Variants in ALOX5 observed in about 807,000 individuals in gnomAD.
ALOX5 encodes the protein arachidonate 5-lipoxygenase, also known as polyunsaturated fatty acid 5-lipoxygenase.
A neutral mutation model predicts 87.9 loss-of-function variants in ALOX5; 64 were observed. The observed-to-expected ratio is 0.73, with a 90% CI of 0.60 to 0.90. ALOX5 has a LOEUF of 0.90. Among genes scored for constraint, ALOX5 ranks in the 40% least tolerant of loss-of-function variants. The probability of loss-of-function intolerance (pLI) is 0.00; values close to 1 mark genes in which losing one functional copy is unlikely to be tolerated. For missense variants in ALOX5, 822 were observed against 907.5 expected (o/e 0.91, Z 1.21); for synonymous variants, 388 against 355.1 (o/e 1.09, Z -1.04).
chr10:45,431,452 G>A lies in ALOX5; in HGVS notation c.981+2688G>A, dbSNP rs533454084. Among the ~76,000 whole-genome samples, 568 of 151,670 alleles carry A rather than the reference G, an allele frequency of 3.7e-3. 3 individuals are homozygous for A. The highest frequency in any genetic ancestry group is 0.013 in the African/African-American group (528 of 41,334). On this transcript the variant is annotated intron_variant, in intron 7 of 13. Transcript: ENST00000374391. ...GCTACTAGATTAATAAATTCATTTG[G>A]CAAAGTGTTTAGATAAATATATTTC...
At chr10:45,392,481 T>G (rs1279262366) in intron 2 of ALOX5, among the ~76,000 whole-genome samples, 6 of 151,532 alleles carry the variant, frequency 4.0e-5, no homozygotes, top group Non-Finnish European at 8.8e-5. Context: ...GTGCAAGATG[T>G]GCTTTGTTAA....
At chr10:45,424,891 T>G in intron 5 of ALOX5, 69 bp from the exon 6 acceptor site, 1 of 1,574,086 alleles carries the variant, frequency 6.4e-7, no homozygotes, top group Non-Finnish European at 8.7e-7. Context: ...TTAGGTGAGG[T>G]CAGGAGGGCC....
intron 3 of ALOX5, among the ~76,000 whole-genome samples, chr10:45,405,994 G>A (rs1365918293): frequency 6.6e-6 from 1 of 152,110 alleles, no homozygotes; most frequent in Non-Finnish European, 1.5e-5. Context: ...CTTTCCTCCT[G>A]ACTTGGATGA....
chr10:45,406,608 C>A (rs539040677), intron 3 of ALOX5, among the ~76,000 whole-genome samples: 11 of 152,302 alleles, frequency 7.2e-5, no homozygotes, highest in African/African-American at 2.4e-4. Flanking sequence ...AGCTACTCTA[C>A]ATTTAGCATT....
intron 3 of ALOX5, among the ~76,000 whole-genome samples, chr10:45,403,465 G>A (rs3780900): frequency 0.021 from 3,146 of 152,280 alleles, 42 homozygotes; most frequent in East Asian, 0.056. Context: ...CATTACCGGG[G>A]ATGGAAGGAG....
At chr10:45,390,855 A>T (rs1840194549) in intron 2 of ALOX5, among the ~76,000 whole-genome samples, 1 of 152,246 alleles carries the variant, frequency 6.6e-6, no homozygotes, top group African/African-American at 2.4e-5. Context: ...GCAGAACTGA[A>T]GGAGGTAGAG....
chr10:45,440,775 T>C, intron 8 of ALOX5, 142 bp downstream of exon 8: 1 of 939,422 alleles, frequency 1.1e-6, no homozygotes, highest in Non-Finnish European at 1.6e-6. Context: ...TCAGAGTCAG[T>C]AATGCCCCTA....
chr10:45,422,367 A>C (rs1841533237), intron 4 of ALOX5, among the ~76,000 whole-genome samples: 1 of 152,156 alleles, frequency 6.6e-6, no homozygotes, highest in South Asian at 2.1e-4. Flanking sequence ...GTGTGTCTAC[A>C]GCTCAGACCC....
In ALOX5 at chr10:45,374,354, C is replaced by T. The variant is rs1464204368; in HGVS notation, c.75C>T (p.Ser25=). The part of the protein sequence containing the change: ...FAGTDDYIYL[S]LVGSAGCSEK... ...GCACTGACGACTACATCTACCTCAGCCTCGTGGGCTCGGCGGGCTGCAGCG... is the reference window on the plus strand; with the variant it reads ...GCACTGACGACTACATCTACCTCAGTCTCGTGGGCTCGGCGGGCTGCAGCG... Residue 25 remains serine (S), a synonymous_variant, in exon 1 of 14, where the codon AGC becomes AGT. Coordinates refer to ENST00000374391, the MANE Select transcript of ALOX5 (RefSeq NM_000698.5). 4 of 1,538,760 alleles carry T rather than the reference C, an allele frequency of 2.6e-6. No individual in the cohort carries two copies. Among genetic ancestry groups the T allele is most frequent in the Non-Finnish European group, 3.5e-6 (4 of 1,145,194 alleles).
rs374632598 is a variant in ALOX5, at chr10:45,374,889, C to T, written c.150+460C>T. On this transcript the variant is annotated intron_variant, in intron 1 of 13. Coordinates refer to ENST00000374391, the MANE Select transcript of ALOX5 (RefSeq NM_000698.5). ...TGCTCACAGAACTCTGAGGGCACCT[C>T]GGAGCAGCCAGCTGTGAGCCGTGGG... is the stretch of plus-strand genomic sequence containing the variant. Among the ~76,000 whole-genome samples, 13 of 152,276 alleles carry T rather than the reference C, an allele frequency of 8.5e-5. 2 individuals are homozygous for T. The highest frequency in any genetic ancestry group is 2.6e-4 in the Admixed American group (4 of 15,306).
intron 7 of ALOX5, among the ~76,000 whole-genome samples, chr10:45,429,410 A>G (rs967888909): frequency 1.3e-5 from 2 of 152,178 alleles, no homozygotes; most frequent in Non-Finnish European, 2.9e-5. Context: ...TTCAGCAAAT[A>G]ATGTCCATGA....
At chr10:45,395,623 A>T (rs992140787) in intron 2 of ALOX5, among the ~76,000 whole-genome samples, 25 of 152,104 alleles carry the variant, frequency 1.6e-4, no homozygotes, top group African/African-American at 5.3e-4. Context: ...AAAAAAAGAA[A>T]ATTCACTAAT....
rs750572500 is a variant in ALOX5 at position 45,425,070 on chromosome 10, G to C, written c.772G>C (p.Val258Leu). 6.2e-7 allele frequency: 1 copy of C among 1,614,094 alleles called. No homozygotes were observed. The highest frequency in any genetic ancestry group is 1.7e-5 in the Admixed American group (1 of 60,034). Residue 258 changes from valine to leucine, a missense_variant, in exon 6 of 14, where the codon GTG becomes CTG. By Grantham distance (32) the Val-to-Leu change is conservative. Transcript: ENST00000374391. The surrounding 1 kb of genome is among the most constrained non-coding windows in gnomAD (Gnocchi z 4.4). The stretch of plus-strand genomic sequence containing the variant: ...CACAGAGCTGCCCGAGAAGCTCCCG[G>C]TGACCACGGAGATGGTAGAGTGCAG... ...RCTELPEKLP[V>L]TTEMVECSLE...
At chr10:45,397,998 C>T (rs957661273) in intron 3 of ALOX5, among the ~76,000 whole-genome samples, 2 of 152,126 alleles carry the variant, frequency 1.3e-5, no homozygotes, top group Non-Finnish European at 2.9e-5. Context: ...GTCAATTCTG[C>T]AAATTCATAT....
intron 2 of ALOX5, among the ~76,000 whole-genome samples, chr10:45,394,618 A>G (rs1395618105): frequency 1.3e-5 from 2 of 152,180 alleles, no homozygotes; most frequent in Non-Finnish European, 2.9e-5. Context: ...ATCTAATTAA[A>G]CTAAAGAGCT....
chr10:45,385,684 A>G (rs1044868485), intron 2 of ALOX5, among the ~76,000 whole-genome samples: 3 of 152,166 alleles, frequency 2.0e-5, no homozygotes, highest in Admixed American at 2.0e-4. Flanking sequence ...ATAGCCAATG[A>G]TAACAGTTAT....
At chr10:45,416,812 ATGG>A (rs1007862470) in intron 4 of ALOX5, among the ~76,000 whole-genome samples, 1 of 151,596 alleles carries the variant, frequency 6.6e-6, no homozygotes, top group South Asian at 2.1e-4. Context: ...GGATTCATGG[ATGG>A]TGGATGGATG....
intron 2 of ALOX5, among the ~76,000 whole-genome samples, chr10:45,393,299 A>C (rs1840364330): frequency 6.6e-6 from 1 of 152,252 alleles, no homozygotes; most frequent in South Asian, 2.1e-4. Context: ...CTGGTTCAAC[A>C]TACACAAATC....
intron 7 of ALOX5, among the ~76,000 whole-genome samples, chr10:45,439,102 T>G (rs765554929): frequency 1.3e-5 from 2 of 152,268 alleles, no homozygotes; most frequent in Non-Finnish European, 2.9e-5. Context: ...TGGTTTCATG[T>G]TGAAGTGATA....
Sources: gnomAD v4.1 joint callset for allele counts (sites outside exome capture counted in the v4.1 genomes callset) on GRCh38, gnomAD v4.1.1 for gene constraint, Gnocchi (gnomAD v3.1) non-coding constraint, MANE v1.5 for transcripts, NCBI Gene and HGNC (gene_info 2026-07-23, HGNC 2026-07-21) for gene names.